SMYD3: variants seen among roughly 807,000 people sequenced by gnomAD.
SMYD3 encodes the protein SET and MYND domain containing 3, also known as histone-lysine N-methyltransferase SMYD3.
SMYD3 carries 36 observed loss-of-function variants against 57.7 expected under a neutral mutation model. That is an observed-to-expected ratio of 0.62 (90% confidence interval 0.48 to 0.82). SMYD3 has a LOEUF of 0.82. SMYD3 is among the 40% of genes least tolerant of loss of function. The probability of loss-of-function intolerance (pLI) is 0.00; values close to 1 mark genes in which losing one functional copy is unlikely to be tolerated. For synonymous variants in SMYD3, 211 were observed against 195.0 expected, an observed-to-expected ratio of 1.08 and a Z score of -0.68; for missense variants, 515 against 538.8, an observed-to-expected ratio of 0.96 and a Z score of 0.44.
At chr1:245,973,780 G>A (rs1013987704) in intron 5 of SMYD3, among the ~76,000 whole-genome samples, 10 of 152,202 alleles carry the variant, frequency 6.6e-5, no homozygotes, top group African/African-American at 2.4e-4. Flanking sequence ...ATCGGCACGA[G>A]GAAATCTACC....
intron 5 of SMYD3, among the ~76,000 whole-genome samples, chr1:245,967,906 T>C (rs1045738591): frequency 5.9e-5 from 9 of 152,226 alleles, no homozygotes; most frequent in African/African-American, 1.9e-4. Flanking sequence ...CATTGCTTAC[T>C]TGTCACTTCC....
At chr1:245,761,312 C>T (rs114526008) in intron 11 of SMYD3, among the ~76,000 whole-genome samples, 2,532 of 152,138 alleles carry the variant, frequency 0.017, 26 homozygotes, top group Middle Eastern at 0.058. Flanking sequence ...CTGAAAGAGG[C>T]GATGCAACCT....
At position 246,081,878 on chromosome 1, in the gene SMYD3, C is replaced by T. The variant is rs977083172; in HGVS notation, c.532-151941G>A. ...TTAACACTCCAAGACCTCATCTCTA[C>T]AAAAAAACTTTTTTAAAGAAAGAAT... is the stretch of plus-strand genomic sequence containing the variant. On this transcript the variant is annotated intron_variant, in intron 5 of 11. Transcript: ENST00000490107. 4.6e-5 allele frequency among the ~76,000 whole-genome samples: 7 copies of T among 152,214 alleles called. No individual in the cohort carries two copies. The South Asian group carries it at 1.4e-3, about 32-fold the overall frequency.
At chr1:246,265,852 A>G (rs1014542345) in intron 5 of SMYD3, among the ~76,000 whole-genome samples, 28 of 152,206 alleles carry the variant, frequency 1.8e-4, no homozygotes, top group African/African-American at 6.8e-4. Flanking sequence ...AATTACTCCC[A>G]TCTCCTTATA....
intron 1 of SMYD3, among the ~76,000 whole-genome samples, chr1:246,409,160 T>A (rs968478464): frequency 6.6e-6 from 1 of 152,260 alleles, no homozygotes; most frequent in Non-Finnish European, 1.5e-5. Context: ...TCTTTTGCTA[T>A]GCAGAAGCTC....
intron 10 of SMYD3, among the ~76,000 whole-genome samples, chr1:245,817,603 T>C (rs1181863765): frequency 6.6e-6 from 1 of 151,964 alleles, no homozygotes; most frequent in African/African-American, 2.4e-5. Flanking sequence ...TACTCTGAGC[T>C]ATGGGAGGAC....
At chr1:246,180,307 T>C (rs1490927007) in intron 5 of SMYD3, among the ~76,000 whole-genome samples, 1 of 145,866 alleles carries the variant, frequency 6.9e-6, no homozygotes. Context: ...TATAAGTATA[T>C]ATATAAACTA....
chr1:245,800,042 A>G (rs1468554612), intron 10 of SMYD3, among the ~76,000 whole-genome samples: 1 of 152,192 alleles, frequency 6.6e-6, no homozygotes, highest in Non-Finnish European at 1.5e-5. Context: ...CCGTGGGCCT[A>G]AGGTATGTGC....
chr1:245,872,295 T>C (rs2052240139), intron 8 of SMYD3, among the ~76,000 whole-genome samples: 3 of 152,104 alleles, frequency 2.0e-5, no homozygotes, highest in African/African-American at 7.2e-5. Flanking sequence ...AGCAGGGCTC[T>C]GAATTGTGAG....
rs998508340 is a variant in SMYD3, at chr1:245,749,607, T to C, written c.1243A>G (p.Ile415Val). 6 of 1,614,060 alleles carry C rather than the reference T, an allele frequency of 3.7e-6. No individual in the cohort carries two copies. Among genetic ancestry groups the C allele is most frequent in the Non-Finnish European group, 5.1e-6 (6 of 1,180,044 alleles). Residue 415 changes from isoleucine to valine, a missense_variant, in exon 12 of 12, where the codon ATT becomes GTT. Ile to Val is a conservative substitution (Grantham distance 29). Coordinates refer to ENST00000490107, the MANE Select transcript of SMYD3 (RefSeq NM_001167740.2). Reference protein sequence around the residue: ...GREHSLIEDLILLLEECDANI... With the variant: ...GREHSLIEDLVLLLEECDANI... ...GCGTCGCATTCTTCTAAAAGTAGAA[T>C]CAAATCTTCAATCAGGCTGTGTTCT...
At chr1:245,863,698 T>C (rs2051675270) in intron 9 of SMYD3, 101 bp downstream of exon 9, 5 of 994,944 alleles carry the variant, frequency 5.0e-6, no homozygotes, top group East Asian at 2.5e-5. Flanking sequence ...CACTGGCTCA[T>C]GGAGAGGTCA....
intron 5 of SMYD3, among the ~76,000 whole-genome samples, chr1:246,032,091 A>T (rs2059687708): frequency 6.6e-6 from 1 of 152,288 alleles, no homozygotes; most frequent in African/African-American, 2.4e-5. Flanking sequence ...AAAAAAGAAT[A>T]AACAAAATAC....
chr1:245,978,664 G>T (rs12083418), intron 5 of SMYD3, among the ~76,000 whole-genome samples: 18,847 of 152,118 alleles, frequency 0.12, 1,307 homozygotes, highest in East Asian at 0.2. Context: ...GCGTTTCGGA[G>T]CCTGGCCAGT....
chr1:246,337,962 T>C (rs1332375609), intron 2 of SMYD3, among the ~76,000 whole-genome samples: 1 of 40,346 alleles, frequency 2.5e-5, no homozygotes, highest in Non-Finnish European at 5.5e-5. Flanking sequence ...ACATAATTGA[T>C]ATAGAGCTCC....
chr1:245,797,249 T>C (rs374298199), intron 10 of SMYD3, among the ~76,000 whole-genome samples: 1 of 152,134 alleles, frequency 6.6e-6, no homozygotes, highest in African/African-American at 2.4e-5. Flanking sequence ...GCAGCAGTAC[T>C]CACAATAGCA....
At chr1:246,018,331 C>G (rs963777179) in intron 5 of SMYD3, among the ~76,000 whole-genome samples, 2 of 152,218 alleles carry the variant, frequency 1.3e-5, no homozygotes, top group Middle Eastern at 3.4e-3. Context: ...CAGGTTTCCA[C>G]GTGAATGCTC....
At chr1:246,336,077 C>A (rs544469473) in intron 2 of SMYD3, among the ~76,000 whole-genome samples, 27 of 152,272 alleles carry the variant, frequency 1.8e-4, no homozygotes, top group African/African-American at 6.0e-4. Flanking sequence ...ATTAATAGTG[C>A]CCCTTTTCAC....
chr1:245,833,073 A>AAAAAAAAAAAAAAAAAAAAAC lies in SMYD3; in HGVS notation c.1076+25422_1076+25423insGTTTTTTTTTTTTTTTTTTTT. ...GGAATATGTGACAAAAAAAAAAAAA[A>AAAAAAAAAAAAAAAAAAAAAC]AACCTGCTTTTATAATGCTGATTCA... On this transcript the variant is annotated intron_variant, in intron 10 of 11. Transcript: ENST00000490107. Among the ~76,000 whole-genome samples the AAAAAAAAAAAAAAAAAAAAAC allele has an allele frequency of 6.8e-4, 87 of 128,656 alleles. 5 individuals are homozygous for AAAAAAAAAAAAAAAAAAAAAC. The highest frequency in any genetic ancestry group is 6.7e-3 in the East Asian group (20 of 2,968). The allele number at this position is 128,656 out of a possible 152,430, so 84.4% of individuals were successfully genotyped here. A position where few individuals can be genotyped will look rare whatever the true frequency, so the allele number is the denominator to read the frequency against.
intron 5 of SMYD3, among the ~76,000 whole-genome samples, chr1:246,319,347 G>A (rs192433715): frequency 2.0e-5 from 3 of 152,232 alleles, no homozygotes; most frequent in East Asian, 1.9e-4. Context: ...CAAGCACCCC[G>A]GTGACTGGAG....
Sources: allele counts gnomAD v4.1 joint callset (sites outside exome capture counted in the v4.1 genomes callset), GRCh38; gene constraint gnomAD v4.1.1; transcripts MANE v1.5; gene names NCBI Gene and HGNC (gene_info 2026-07-23, HGNC 2026-07-21).